Variants in ZFHX3 observed in about 807,000 individuals in gnomAD.
The protein encoded by ZFHX3 is zinc finger homeobox protein 3.
In ZFHX3, 42 loss-of-function variants were observed where a neutral mutation model predicts 279.1. That is an observed-to-expected ratio of 0.15 (90% CI 0.12 to 0.19). The LOEUF (loss-of-function observed/expected upper bound fraction) is 0.19, where lower values mean the gene tolerates loss of function less well. Ranked by LOEUF, ZFHX3 falls within the 10% of genes least tolerant of loss-of-function variation. ZFHX3 has a pLI of 1.00. For synonymous variants in ZFHX3, 2,293 were observed against 1,957.8 expected (o/e 1.17, Z -4.52); for missense variants, 4,981 against 4,754.0 (o/e 1.05, Z -1.40).
chr16:73,140,506 A>C (rs1438742793), intron 6 of ZFHX3, among the ~76,000 whole-genome samples: 1 of 152,152 alleles, frequency 6.6e-6, no homozygotes, highest in African/African-American at 2.4e-5. Context: ...TACTATTAAC[A>C]GTGGCAAACA....
At chr16:72,971,909 G>A (rs77318221) in intron 1 of ZFHX3, among the ~76,000 whole-genome samples, 8,346 of 125,342 alleles carry the variant, frequency 0.067, 286 homozygotes, top group Non-Finnish European at 0.078. Context: ...TTTTTGAGAC[G>A]GAGTTTCACC....
At chr16:73,797,807 CTTTT>C (rs35369374) in intron 1 of ZFHX3, among the ~76,000 whole-genome samples, 89 of 82,910 alleles carry the variant, frequency 1.1e-3, no homozygotes, top group African/African-American at 3.5e-3. Flanking sequence ...CTTCTGAAGA[CTTTT>C]TTTTTTTTTT....
At chr16:73,478,926 C>T (rs928399490) in intron 2 of ZFHX3, among the ~76,000 whole-genome samples, 1 of 152,148 alleles carries the variant, frequency 6.6e-6, no homozygotes. Flanking sequence ...GTGGTGCGCG[C>T]CTGTAATCCC....
At chr16:73,070,618 C>G (rs951633726) in intron 8 of ZFHX3, among the ~76,000 whole-genome samples, 1 of 152,174 alleles carries the variant, frequency 6.6e-6, no homozygotes, top group Non-Finnish European at 1.5e-5. Context: ...CCCGCCCTCC[C>G]TCGGCAGGCA....
In ZFHX3 at chr16:72,805,401, A is replaced by C. The variant is rs963972281; in HGVS notation, c.3865-5272T>G. Among the ~76,000 whole-genome samples the C allele has an allele frequency of 2.6e-5, 4 of 152,256 alleles. 1 individual carries two copies. ...TGAAAAGCCCACTATTCCAGGTGAA[A>C]GTATAGATTTGCCGATACCTAGGCT... On this transcript the variant is annotated intron_variant, in intron 7 of 9. Transcript: ENST00000268489.
Position 72,950,972 on chromosome 16 carries a change from G to A in ZFHX3, c.2720-7C>T, listed in dbSNP as rs1372042015. 1 of 1,607,582 alleles carries A rather than the reference G, an allele frequency of 6.2e-7. No individual in the cohort carries two copies. The highest frequency in any genetic ancestry group is 1.3e-5 in the African/African-American group (1 of 74,806). On this transcript the variant is annotated splice_polypyrimidine_tract_variant and splice_region_variant and intron_variant, in intron 2 of 9. Coordinates refer to ENST00000268489, the MANE Select transcript of ZFHX3 (RefSeq NM_006885.4). ...AGGGGGATCTCACCGCCCACTGCAG[G>A]GAAGGAGAGAAGGAGAGAGTCAGAC...
chr16:73,327,526 C>T (rs747392059), intron 3 of ZFHX3, among the ~76,000 whole-genome samples: 1 of 152,182 alleles, frequency 6.6e-6, no homozygotes, highest in Admixed American at 6.5e-5. Context: ...TCCTATGATG[C>T]CCACTTTTAA....
At chr16:73,730,482 C>T (rs2053561084) in intron 1 of ZFHX3, among the ~76,000 whole-genome samples, 1 of 151,762 alleles carries the variant, frequency 6.6e-6, no homozygotes, top group Non-Finnish European at 1.5e-5. Context: ...GTGCATTGTA[C>T]ATAAGGAATC....
intron 1 of ZFHX3, among the ~76,000 whole-genome samples, chr16:72,979,951 G>A (rs1036466799): frequency 6.6e-6 from 1 of 152,222 alleles, no homozygotes; most frequent in Non-Finnish European, 1.5e-5. Flanking sequence ...AATTGGTCAG[G>A]ATTATTTAGC....
At chr16:73,187,452 C>A (rs1470776627) in intron 5 of ZFHX3, among the ~76,000 whole-genome samples, 2 of 151,938 alleles carry the variant, frequency 1.3e-5, no homozygotes, top group East Asian at 3.9e-4. Context: ...TCCTAACTAG[C>A]TATTGACATT....
At chr16:73,568,308 G>A (rs2020478178) in intron 2 of ZFHX3, among the ~76,000 whole-genome samples, 1 of 147,594 alleles carries the variant, frequency 6.8e-6, no homozygotes, top group African/African-American at 2.7e-5. Context: ...ACAGTTTTAA[G>A]AGTTGGAATA....
chr16:72,925,500 C>T (rs1012084299), intron 3 of ZFHX3, among the ~76,000 whole-genome samples: 2 of 152,254 alleles, frequency 1.3e-5, no homozygotes, highest in Admixed American at 1.3e-4. Flanking sequence ...ACCACCGCAG[C>T]AATGCTGCAT....
At chr16:73,109,421 G>A in intron 7 of ZFHX3, among the ~76,000 whole-genome samples, 1 of 152,058 alleles carries the variant, frequency 6.6e-6, no homozygotes, top group Non-Finnish European at 1.5e-5. Flanking sequence ...GAACATTTTG[G>A]CCATCTCCAC....
intron 5 of ZFHX3, among the ~76,000 whole-genome samples, chr16:73,254,831 G>A (rs767745348): frequency 6.6e-6 from 1 of 152,064 alleles, no homozygotes; most frequent in Non-Finnish European, 1.5e-5. Context: ...AAAGCTGCAG[G>A]TGGAAGGGGA....
At chr16:73,685,443 G>T (rs1597065498) in intron 1 of ZFHX3, among the ~76,000 whole-genome samples, 1 of 152,224 alleles carries the variant, frequency 6.6e-6, no homozygotes, top group Admixed American at 6.5e-5. Context: ...AGGAATACAG[G>T]CAGCCTCTAA....
At chr16:73,215,343 C>T (rs555633100) in intron 5 of ZFHX3, among the ~76,000 whole-genome samples, 14 of 152,202 alleles carry the variant, frequency 9.2e-5, no homozygotes, top group Admixed American at 9.2e-4. Flanking sequence ...TTCTCCACCC[C>T]TTCCATGCAG....
intron 1 of ZFHX3, among the ~76,000 whole-genome samples, chr16:73,745,152 A>G (rs143367916): frequency 1.8e-3 from 274 of 152,294 alleles, no homozygotes; most frequent in Middle Eastern, 6.8e-3. Flanking sequence ...CCCATTCATC[A>G]CAGACTTTTC....
At chr16:73,212,561 T>C (rs568113831) in intron 5 of ZFHX3, among the ~76,000 whole-genome samples, 29 of 152,368 alleles carry the variant, frequency 1.9e-4, no homozygotes, top group Non-Finnish European at 3.2e-4. Context: ...TGCTGTGCTC[T>C]GGCATACTGA....
At chr16:73,885,260 G>A (rs1215744248) in intron 1 of ZFHX3, among the ~76,000 whole-genome samples, 1 of 152,094 alleles carries the variant, frequency 6.6e-6, no homozygotes, top group Non-Finnish European at 1.5e-5. Flanking sequence ...ACTGATCAAT[G>A]TAATTTTTTT....
Sources: allele counts gnomAD v4.1 joint callset (sites outside exome capture counted in the v4.1 genomes callset), GRCh38; gene constraint gnomAD v4.1.1; transcripts MANE v1.5; gene names NCBI Gene and HGNC (gene_info 2026-07-23, HGNC 2026-07-21).